Variants in TENM1 observed in about 807,000 individuals in gnomAD.
The protein encoded by TENM1 is teneurin-1.
A neutral mutation model predicts 174.8 loss-of-function variants in TENM1; 35 were observed. The ratio of observed to expected loss-of-function variants is 0.20; its 90% CI spans 0.15 to 0.27. TENM1 has a LOEUF of 0.27. Ranked by LOEUF, TENM1 falls within the 10% of genes least tolerant of loss-of-function variation. TENM1 has a pLI of 1.00. For synonymous variants in TENM1, 781 were observed against 798.7 expected, an observed-to-expected ratio of 0.98 and a Z score of 0.37; for missense variants, 1,633 against 2,130.1, an observed-to-expected ratio of 0.77 and a Z score of 4.59.
At chrX:124,996,854 C>A in the TENM1 span, among the ~76,000 whole-genome samples, 1 of 111,423 alleles carries the variant, frequency 9.0e-6, no homozygotes, top group Admixed American at 9.6e-5. Context: ...TTGAAAAGAT[C>A]TACCCATGTG....
At chrX:124,487,417 C>T (rs1369015189) in intron 20 of TENM1, among the ~76,000 whole-genome samples, 188 bp from the exon 24 acceptor site, 3 of 112,188 alleles carry the variant, frequency 2.7e-5, no homozygotes, top group Non-Finnish European at 3.8e-5. Flanking sequence ...CAGGCTTTGC[C>T]TCCTAAGATG....
At chrX:125,101,726 G>A in the TENM1 span, among the ~76,000 whole-genome samples, 1 of 112,098 alleles carries the variant, frequency 8.9e-6, no homozygotes. Flanking sequence ...AAATCTTCGG[G>A]AGAGTAAAGA....
intron 11 of TENM1, among the ~76,000 whole-genome samples, chrX:124,618,153 A>C (rs2050437796): frequency 8.9e-6 from 1 of 111,818 alleles, no homozygotes; most frequent in Non-Finnish European, 1.9e-5. Flanking sequence ...AATCAGAGAG[A>C]TATGGTTAGA....
At chrX:125,077,287 C>A in the TENM1 span, among the ~76,000 whole-genome samples, 2 of 111,004 alleles carry the variant, frequency 1.8e-5, no homozygotes, top group African/African-American at 6.5e-5. Flanking sequence ...TATTAGATAA[C>A]ATATATACAG....
At chrX:125,098,287 G>C in the TENM1 span, among the ~76,000 whole-genome samples, 1 of 111,218 alleles carries the variant, frequency 9.0e-6, no homozygotes, top group Non-Finnish European at 1.9e-5. Flanking sequence ...TAAATAAAAG[G>C]GTCGTGTTTT....
chrX:125,063,733 A>C, the TENM1 span, among the ~76,000 whole-genome samples: 8 of 111,801 alleles, frequency 7.2e-5, no homozygotes, highest in African/African-American at 1.6e-4. Context: ...TAGTTCAACC[A>C]TTGTGGAAGT....
At chrX:125,055,012 C>T in the TENM1 span, among the ~76,000 whole-genome samples, 1 of 111,712 alleles carries the variant, frequency 9.0e-6, no homozygotes, top group African/African-American at 3.2e-5. Flanking sequence ...AAAATATAGT[C>T]ATTTTCTTCT....
chrX:125,037,937 G>T, the TENM1 span, among the ~76,000 whole-genome samples: 1 of 111,069 alleles, frequency 9.0e-6, no homozygotes, highest in Non-Finnish European at 1.9e-5. Flanking sequence ...AACTTTATCT[G>T]TTTCACATCT....
intron 8 of TENM1, among the ~76,000 whole-genome samples, chrX:124,649,645 T>C (rs1018974465): frequency 2.7e-5 from 3 of 112,199 alleles, no homozygotes; most frequent in Non-Finnish European, 5.6e-5. Flanking sequence ...CTGACAATGC[T>C]GCCTATACTA....
intron 18 of TENM1, among the ~76,000 whole-genome samples, chrX:124,516,808 G>A (rs2047714390): frequency 9.0e-6 from 1 of 111,377 alleles, no homozygotes; most frequent in Non-Finnish European, 1.9e-5. Flanking sequence ...CATTCTTTGG[G>A]TAGGAATATA....
chrX:124,577,822 G>A (rs1280595301), intron 11 of TENM1, among the ~76,000 whole-genome samples: 4 of 112,000 alleles, frequency 3.6e-5, no homozygotes, highest in African/African-American at 1.3e-4. Context: ...TAACATGCAT[G>A]CTACGCATTT....
At chrX:125,041,758 A>C in the TENM1 span, among the ~76,000 whole-genome samples, 1 of 111,680 alleles carries the variant, frequency 9.0e-6, no homozygotes, top group African/African-American at 3.2e-5. Flanking sequence ...AAATTCTGAG[A>C]ATTTCAGGCA....
At chrX:124,562,537 T>C (rs1419171379) in intron 13 of TENM1, among the ~76,000 whole-genome samples, 1 of 112,929 alleles carries the variant, frequency 8.9e-6, no homozygotes, top group Non-Finnish European at 1.9e-5. Flanking sequence ...TTCTGAATTA[T>C]AGAGAACTGG....
intron 1 of TENM1, among the ~76,000 whole-genome samples, chrX:124,911,076 C>T (rs1009815813): frequency 5.5e-5 from 6 of 109,903 alleles, no homozygotes; most frequent in Non-Finnish European, 1.1e-4. Context: ...CCACCACACC[C>T]GGCTAATTTT....
chrX:124,863,961 G>A lies in TENM1; in HGVS notation c.535+30335C>T, dbSNP rs753137714. Among the ~76,000 whole-genome samples the A allele has an allele frequency of 8.9e-5, 10 of 112,441 alleles. No homozygotes were observed. In the South Asian group the frequency reaches 2.6e-3, roughly 29 times the overall value. On this transcript the variant is annotated intron_variant, in intron 3 of 31. Transcript: ENST00000422452. The stretch of plus-strand genomic sequence containing the variant: ...AAGGGAACAGAACAAGAATCTCTGC[G>A]TGATAATCCAGAGAACTCTCCCATA...
chrX:125,026,508 G>A, the TENM1 span, among the ~76,000 whole-genome samples: 1 of 111,606 alleles, frequency 9.0e-6, no homozygotes, highest in East Asian at 2.8e-4. Flanking sequence ...CTATTTCAGA[G>A]GCTAAAAAAG....
chrX:124,733,521 G>A (rs1000027734), intron 4 of TENM1, among the ~76,000 whole-genome samples: 1 of 111,920 alleles, frequency 8.9e-6, no homozygotes, highest in African/African-American at 3.2e-5. Context: ...TACAGATGAG[G>A]AGGCTGAGGC....
chrX:125,192,972 T>C, the TENM1 span, among the ~76,000 whole-genome samples: 1 of 111,417 alleles, frequency 9.0e-6, no homozygotes, highest in Admixed American at 9.5e-5. Flanking sequence ...TGAGGTTTTT[T>C]TCAGTTATTT....
At chrX:125,121,833 G>A in the TENM1 span, among the ~76,000 whole-genome samples, 1 of 112,492 alleles carries the variant, frequency 8.9e-6, no homozygotes, top group Non-Finnish European at 1.9e-5. Flanking sequence ...AGCACTTTGG[G>A]ATGCCAAGGC....
Sources: allele counts gnomAD v4.1 joint callset (sites outside exome capture counted in the v4.1 genomes callset), GRCh38; gene constraint gnomAD v4.1.1; transcripts MANE v1.5; gene names NCBI Gene and HGNC (gene_info 2026-07-23, HGNC 2026-07-21).